Variants in MAGI3 observed in about 807,000 individuals in gnomAD.
MAGI3 encodes membrane associated guanylate kinase, WW and PDZ domain containing 3.
Under a neutral mutation model 121.8 loss-of-function variants are expected in MAGI3, and 43 were observed. The ratio of observed to expected loss-of-function variants is 0.35; its 90% CI spans 0.28 to 0.46. The LOEUF is 0.46. Among genes scored for constraint, MAGI3 ranks in the 20% least tolerant of loss-of-function variants. The probability of loss-of-function intolerance (pLI) is 1.00; values close to 1 mark genes in which losing one functional copy is unlikely to be tolerated. For synonymous variants in MAGI3, 553 were observed against 639.3 expected, an observed-to-expected ratio of 0.86 and a Z score of 2.04; for missense variants, 1,547 against 1,797.3, an observed-to-expected ratio of 0.86 and a Z score of 2.52.
intron 1 of MAGI3, among the ~76,000 whole-genome samples, chr1:113,437,747 CTTCTTCTTCATTTTTCT>C (rs1021209337): frequency 3.0e-4 from 45 of 151,294 alleles, no homozygotes; most frequent in Non-Finnish European, 4.4e-5. Flanking sequence ...CTTTCCTCTT[CTTCTTCTTCATTTTTCT>C]TTCTTCTTCC....
At chr1:113,417,075 C>T (rs927939292) in intron 1 of MAGI3, among the ~76,000 whole-genome samples, 1 of 151,444 alleles carries the variant, frequency 6.6e-6, no homozygotes, top group Admixed American at 6.6e-5. Flanking sequence ...TTTCACTTCT[C>T]CATTGTTCTT....
At chr1:113,618,908 G>A (rs1242523628) in intron 7 of MAGI3, among the ~76,000 whole-genome samples, 1 of 152,184 alleles carries the variant, frequency 6.6e-6, no homozygotes, top group East Asian at 1.9e-4. Context: ...AGACCTATTC[G>A]AGGTCCTAAA....
intron 1 of MAGI3, among the ~76,000 whole-genome samples, chr1:113,465,584 G>A (rs1433157284): frequency 6.6e-6 from 1 of 152,000 alleles, no homozygotes; most frequent in South Asian, 2.1e-4. Context: ...TCTATAGATT[G>A]CTTAGGGTAG....
chr1:113,416,007 T>C (rs908342263), intron 1 of MAGI3, among the ~76,000 whole-genome samples: 6,759 of 86,126 alleles, frequency 0.078, 297 homozygotes, highest in African/African-American at 0.12. Flanking sequence ...ATTAATTACA[T>C]ATATTAATTA....
At chr1:113,582,929 T>A (rs1648128910) in intron 3 of MAGI3, among the ~76,000 whole-genome samples, 1 of 151,698 alleles carries the variant, frequency 6.6e-6, no homozygotes, top group African/African-American at 2.4e-5. Flanking sequence ...GTCTGTAATT[T>A]TATATGTTTG....
intron 9 of MAGI3, among the ~76,000 whole-genome samples, chr1:113,625,380 G>A (rs1651179804): frequency 6.6e-6 from 1 of 152,056 alleles, no homozygotes; most frequent in South Asian, 2.1e-4. Context: ...TCTTGCATCA[G>A]CATTTTATAA....
rs1332304594 is a variant in MAGI3 at position 113,631,719 on chromosome 1, C to G, written c.1360+8725C>G. On this transcript the variant is annotated intron_variant, in intron 9 of 20. Coordinates refer to ENST00000307546, the MANE Select transcript of MAGI3 (RefSeq NM_001142782.2). ...AAATTATTAAATCTTGCCGTTTTTC[C>G]CAAGTTTGTTTGCTTCCTTAATCTT... 3.9e-5 allele frequency among the ~76,000 whole-genome samples: 6 copies of G among 151,948 alleles called. No individual in the cohort carries two copies. In the South Asian group the frequency reaches 1.2e-3, roughly 32 times the overall value.
intron 2 of MAGI3, among the ~76,000 whole-genome samples, chr1:113,561,965 C>T (rs1276197253): frequency 6.6e-6 from 1 of 152,152 alleles, no homozygotes; most frequent in Non-Finnish European, 1.5e-5. Flanking sequence ...TCCTATATAT[C>T]AACAACAGGC....
At chr1:113,461,869 A>G (rs1464383724) in intron 1 of MAGI3, among the ~76,000 whole-genome samples, 1 of 151,816 alleles carries the variant, frequency 6.6e-6, no homozygotes, top group Admixed American at 6.6e-5. Context: ...ACTTAAGTAA[A>G]TTTAGGGGAG....
At chr1:113,531,374 A>ATT (rs1221840904) in intron 1 of MAGI3, among the ~76,000 whole-genome samples, 1 of 152,104 alleles carries the variant, frequency 6.6e-6, no homozygotes, top group South Asian at 2.1e-4. Context: ...GTTAGGTTTA[A>ATT]TTTTTAAGTT....
At chr1:113,453,132 T>C (rs1441168325) in intron 1 of MAGI3, among the ~76,000 whole-genome samples, 7 of 152,180 alleles carry the variant, frequency 4.6e-5, no homozygotes, top group African/African-American at 1.7e-4. Flanking sequence ...CTTGTATGTA[T>C]AGGATACAAG....
chr1:113,413,310 G>A (rs10776768), intron 1 of MAGI3, among the ~76,000 whole-genome samples: 143,831 of 151,708 alleles, frequency 0.95, 68,218 homozygotes, highest in East Asian at 0.99. Context: ...GTCAGGTAGT[G>A]TGATGCCTCC....
chr1:113,610,943 A>T (rs1382540113), intron 6 of MAGI3, among the ~76,000 whole-genome samples: 1 of 152,086 alleles, frequency 6.6e-6, no homozygotes, highest in African/African-American at 2.4e-5. Context: ...AAAAAAAAAT[A>T]AAAAATAAAA....
At chr1:113,654,076 A>C (rs1048601644) in intron 15 of MAGI3, 58 bp downstream of exon 15, 2 of 1,379,762 alleles carry the variant, frequency 1.4e-6, no homozygotes, top group African/African-American at 2.9e-5. Context: ...TGAGGCTCCC[A>C]CTGGAGTTTA....
chr1:113,452,015 G>C (rs1385676745), intron 1 of MAGI3, among the ~76,000 whole-genome samples: 1 of 152,154 alleles, frequency 6.6e-6, no homozygotes, highest in Non-Finnish European at 1.5e-5. Flanking sequence ...GCTGCTTACA[G>C]ACATGCTGAA....
At chr1:113,653,509 T>C (rs531976370) in intron 14 of MAGI3, among the ~76,000 whole-genome samples, 2 of 151,492 alleles carry the variant, frequency 1.3e-5, no homozygotes, top group Non-Finnish European at 2.9e-5. Flanking sequence ...GAAGCAGAGG[T>C]TGCAATGAGC....
intron 1 of MAGI3, among the ~76,000 whole-genome samples, chr1:113,420,073 C>CA (rs1652657229): frequency 6.6e-6 from 1 of 152,168 alleles, no homozygotes; most frequent in Non-Finnish European, 1.5e-5. Context: ...GATTTGTACT[C>CA]ACATTAAGGG....
At chr1:113,407,327 A>G (rs1255905358) in intron 1 of MAGI3, among the ~76,000 whole-genome samples, 1 of 152,102 alleles carries the variant, frequency 6.6e-6, no homozygotes, top group Non-Finnish European at 1.5e-5. Flanking sequence ...TTAAAGAGGA[A>G]CTAAATAAGA....
intron 9 of MAGI3, among the ~76,000 whole-genome samples, chr1:113,636,001 A>T (rs1651992940): frequency 6.6e-6 from 1 of 152,036 alleles, no homozygotes; most frequent in African/African-American, 2.4e-5. Context: ...TAGATTTTCT[A>T]GTTTATTTGC....
Sources: allele counts gnomAD v4.1 joint callset (sites outside exome capture counted in the v4.1 genomes callset), GRCh38; gene constraint gnomAD v4.1.1; transcripts MANE v1.5; gene names NCBI Gene and HGNC (gene_info 2026-07-23, HGNC 2026-07-21).